FLI1: variants seen among roughly 807,000 people sequenced by gnomAD.
FLI1 encodes the protein Friend leukemia integration 1 transcription factor.
Under a neutral mutation model 53.1 loss-of-function variants are expected in FLI1, and 13 were observed. The ratio of observed to expected loss-of-function variants is 0.24; its 90% CI spans 0.16 to 0.39. The LOEUF is 0.39. FLI1 is among the 10% of genes least tolerant of loss of function. The pLI is 1.00. For missense variants in FLI1, 424 were observed against 600.5 expected, an observed-to-expected ratio of 0.71 and a Z score of 3.07; for synonymous variants, 244 against 236.7, an observed-to-expected ratio of 1.03 and a Z score of -0.28.
chr11:128,766,803 T>C (rs915830385), intron 2 of FLI1, among the ~76,000 whole-genome samples: 2 of 151,486 alleles, frequency 1.3e-5, no homozygotes, highest in African/African-American at 4.9e-5. Flanking sequence ...TCCGGAGAGG[T>C]TATGCGGCCT....
rs776782541 is a variant in FLI1, at chr11:128,764,770, G to A, written c.231-3348G>A. On this transcript the variant is annotated intron_variant, in intron 2 of 8. Coordinates refer to ENST00000527786, the MANE Select transcript of FLI1 (RefSeq NM_002017.5). The stretch of plus-strand genomic sequence containing the variant: ...GGCTTGCGCTGGCTGGAGGAGGCAC[G>A]GTGCTTGGGAGCTGCAAGAATGGAG... The A allele has an allele frequency of 2.7e-5, 43 of 1,591,334 alleles. No homozygotes were observed. The Middle Eastern group carries it at 1.1e-3, about 40-fold the overall frequency.
At chr11:128,697,165 A>C (rs1938116154) in intron 1 of FLI1, among the ~76,000 whole-genome samples, 1 of 152,150 alleles carries the variant, frequency 6.6e-6, no homozygotes, top group Non-Finnish European at 1.5e-5. Flanking sequence ...AAAGCACATG[A>C]TACTGTTTGC....
intron 1 of FLI1, among the ~76,000 whole-genome samples, chr11:128,695,571 A>C (rs1938033898): frequency 6.6e-6 from 1 of 152,112 alleles, no homozygotes; most frequent in African/African-American, 2.4e-5. Flanking sequence ...TTTATTTTCT[A>C]AGTTTTTTTT....
At chr11:128,803,520 C>T (rs1374410228) in intron 5 of FLI1, among the ~76,000 whole-genome samples, 3 of 152,208 alleles carry the variant, frequency 2.0e-5, no homozygotes, top group Non-Finnish European at 2.9e-5. Flanking sequence ...TCACCTGGCC[C>T]TAGTTCCACT....
chr11:128,751,619 C>T lies in FLI1; in HGVS notation c.19-6496C>T, dbSNP rs543767536. On this transcript the variant is annotated intron_variant, in intron 1 of 8. Coordinates refer to ENST00000527786, the MANE Select transcript of FLI1 (RefSeq NM_002017.5). Reference sequence around the variant, plus strand: ...TCGGCTCACTGCAAGCTCTGCCTCCCGGGTTCACGCCATTCTCCCACCTCA... The same window carrying T: ...TCGGCTCACTGCAAGCTCTGCCTCCTGGGTTCACGCCATTCTCCCACCTCA... Among the ~76,000 whole-genome samples, 14 of 151,476 alleles carry T rather than the reference C, an allele frequency of 9.2e-5. No individual in the cohort carries two copies. In the South Asian group the frequency reaches 1.2e-3, roughly 14 times the overall value.
exon 1 of FLI1, chr11:128,686,586 T>A: frequency 2.4e-6 from 1 of 411,640 alleles, no homozygotes; most frequent in Non-Finnish European, 5.0e-6. Flanking sequence ...CGTCTCTCCC[T>A]CGCTCCACTC....
intron 1 of FLI1, among the ~76,000 whole-genome samples, chr11:128,742,236 A>G (rs1385732233): frequency 1.3e-5 from 2 of 152,164 alleles, no homozygotes; most frequent in African/African-American, 4.8e-5. Flanking sequence ...CAATTCTCCT[A>G]ATCTCATAGT....
intron 4 of FLI1, among the ~76,000 whole-genome samples, chr11:128,774,964 G>A (rs1452082068): frequency 6.6e-6 from 1 of 152,038 alleles, no homozygotes; most frequent in Non-Finnish European, 1.5e-5. Context: ...CATTTTGGGG[G>A]GTATAGCATG....
At chr11:128,748,712 G>A (rs556153135) in intron 1 of FLI1, among the ~76,000 whole-genome samples, 1 of 152,278 alleles carries the variant, frequency 6.6e-6, no homozygotes, top group South Asian at 2.1e-4. Flanking sequence ...GTGTGCTACG[G>A]CCTAAAATTG....
chr11:128,689,150 A>G (rs1937643059), upstream of FLI1, among the ~76,000 whole-genome samples: 1 of 152,104 alleles, frequency 6.6e-6, no homozygotes, highest in Non-Finnish European at 1.5e-5. Context: ...CAGAGCTAGT[A>G]AGTGTAGAGC....
intron 3 of FLI1, chr11:128,768,583 G>C: frequency 3.2e-6 from 1 of 312,450 alleles, no homozygotes. Context: ...CAGCTACTCA[G>C]GGGGCTGAAG....
chr11:128,811,574 C>T lies in FLI1; in HGVS notation c.*586C>T, dbSNP rs147953720. The T allele has an allele frequency of 8.2e-4, 182 of 223,130 alleles. 3 individuals carry two copies. In the East Asian group the frequency reaches 0.012, roughly 15 times the overall value. The allele number at this position is 223,130 out of a possible 1,614,324, so 13.8% of individuals were successfully genotyped here. ...AGACGCCAAGGGCATTGCAGAATCCCTCTCAGTGGACAGTATGCACTCAGC... is the reference window on the plus strand; with the variant it reads ...AGACGCCAAGGGCATTGCAGAATCCTTCTCAGTGGACAGTATGCACTCAGC... On this transcript the variant is annotated 3_prime_UTR_variant, in exon 9 of 9. Transcript: ENST00000527786.
chr11:128,762,087 G>A (rs1383108001), intron 2 of FLI1, among the ~76,000 whole-genome samples: 1 of 152,134 alleles, frequency 6.6e-6, no homozygotes, highest in Non-Finnish European at 1.5e-5. Flanking sequence ...TTAGAAAAAT[G>A]TCATTGCTTA....
rs941517417 is a variant in FLI1, at chr11:128,703,959, C to T, written c.18+9683C>T. Among the ~76,000 whole-genome samples the T allele has an allele frequency of 4.0e-5, 6 of 150,632 alleles. No individual in the cohort carries two copies. In the South Asian group the frequency reaches 1.3e-3, roughly 32 times the overall value. On this transcript the variant is annotated intron_variant, in intron 1 of 8. Coordinates refer to ENST00000527786, the MANE Select transcript of FLI1 (RefSeq NM_002017.5). ...TGCTGGTCCCGGTGACTTTAAGATT[C>T]GAAATTGAGGTAAATGCAGGGAGAA...
intron 1 of FLI1, among the ~76,000 whole-genome samples, chr11:128,729,101 C>T (rs528470337): frequency 1.3e-5 from 2 of 152,318 alleles, no homozygotes; most frequent in South Asian, 4.1e-4. Flanking sequence ...AGGGATTCTT[C>T]TGCTAGGCAC....
At chr11:128,725,778 C>T (rs35516683) in intron 1 of FLI1, among the ~76,000 whole-genome samples, 5,003 of 152,096 alleles carry the variant, frequency 0.033, 95 homozygotes, top group Middle Eastern at 0.044. Context: ...CACAAAACCC[C>T]GTCTTGTGAA....
Position 128,812,759 on chromosome 11 carries a change from G to A in FLI1, c.*1771G>A. ...GCCTCCCCTGGGCACTTCAGACCCA[G>A]ACGGCCACCTTCTGCCACTCCAGCA... On this transcript the variant is annotated 3_prime_UTR_variant, in exon 9 of 9. Coordinates refer to ENST00000527786, the MANE Select transcript of FLI1 (RefSeq NM_002017.5). The A allele has an allele frequency of 4.6e-6, 1 of 216,636 alleles. No individual in the cohort carries two copies. The highest frequency in any genetic ancestry group is 9.3e-6 in the Non-Finnish European group (1 of 107,284). The allele number at this position is 216,636 out of a possible 1,614,324, so 13.4% of individuals were successfully genotyped here.
chr11:128,804,753 ACAT>A (rs1315581215), intron 5 of FLI1: 1 of 152,224 alleles, frequency 6.6e-6, no homozygotes, highest in African/African-American at 2.4e-5. Context: ...ATGTCATCCC[ACAT>A]CATCCATGTG....
At chr11:128,756,875 T>C (rs1167210617) in intron 1 of FLI1, among the ~76,000 whole-genome samples, 2 of 152,070 alleles carry the variant, frequency 1.3e-5, no homozygotes, top group Non-Finnish European at 2.9e-5. Flanking sequence ...ATCTCCGGAA[T>C]GTGCAAAGTT....
Sources: gnomAD v4.1 joint callset for allele counts (sites outside exome capture counted in the v4.1 genomes callset) on GRCh38, gnomAD v4.1.1 for gene constraint, MANE v1.5 for transcripts, NCBI Gene and HGNC (gene_info 2026-07-23, HGNC 2026-07-21) for gene names.